Variants in KALRN observed in about 807,000 individuals in gnomAD.
The protein encoded by KALRN is kalirin.
Under a neutral mutation model 353.7 loss-of-function variants are expected in KALRN, and 70 were observed. That is an observed-to-expected ratio of 0.20 (90% CI 0.16 to 0.24). The LOEUF (loss-of-function observed/expected upper bound fraction) is 0.24, where lower values mean the gene tolerates loss of function less well. Among genes scored for constraint, KALRN ranks in the 10% least tolerant of loss-of-function variants. KALRN has a pLI of 1.00. For missense variants in KALRN, 2,791 were observed against 3,756.7 expected, an observed-to-expected ratio of 0.74 and a Z score of 6.72; for synonymous variants, 1,391 against 1,434.8, an observed-to-expected ratio of 0.97 and a Z score of 0.69.
chr3:124,591,363 T>C (rs2713662), intron 34 of KALRN, among the ~76,000 whole-genome samples: 100,761 of 152,006 alleles, frequency 0.66, 34,481 homozygotes, highest in African/African-American at 0.83. Context: ...GTCTTGAACT[T>C]CTGGACACAA....
At position 124,655,221 on chromosome 3, in the gene KALRN, G is replaced by A. The variant is rs143327012; in HGVS notation, c.5796-380G>A. Among the ~76,000 whole-genome samples the A allele has an allele frequency of 6.6e-5, 10 of 152,302 alleles. No individual in the cohort carries two copies. The East Asian group carries it at 1.9e-3, about 29-fold the overall frequency. On this transcript the variant is annotated intron_variant, in intron 38 of 59. Transcript: ENST00000682506. ...GAAGAAAAGTCTCATCTTAACCCCT[G>A]CCCAGCCTCAAAGCTTTCAGAACGC...
At chr3:124,709,056 A>C (rs974598045) in intron 57 of KALRN, among the ~76,000 whole-genome samples, 5 of 152,138 alleles carry the variant, frequency 3.3e-5, no homozygotes, top group Non-Finnish European at 5.9e-5. Flanking sequence ...AAATGAATTG[A>C]CTACTAAGAA....
At chr3:124,193,852 C>G (rs1280518650) in intron 1 of KALRN, among the ~76,000 whole-genome samples, 1 of 152,116 alleles carries the variant, frequency 6.6e-6, no homozygotes, top group Non-Finnish European at 1.5e-5. Flanking sequence ...TCTCTTTTAG[C>G]TTGACATTTT....
At chr3:124,057,214 G>A (rs1241220715) in intron 1 of KALRN, among the ~76,000 whole-genome samples, 1 of 152,116 alleles carries the variant, frequency 6.6e-6, no homozygotes, top group Non-Finnish European at 1.5e-5. Context: ...TTTTCTTAGT[G>A]CCTCCCACCA....
At chr3:124,316,848 C>T (rs1181106874) in intron 6 of KALRN, among the ~76,000 whole-genome samples, 1 of 152,176 alleles carries the variant, frequency 6.6e-6, no homozygotes, top group Non-Finnish European at 1.5e-5. Context: ...TTGAATTAAT[C>T]AATGGATGAA....
intron 19 of KALRN, among the ~76,000 whole-genome samples, chr3:124,443,554 G>A (rs1420334908): frequency 6.6e-6 from 1 of 152,216 alleles, no homozygotes; most frequent in Non-Finnish European, 1.5e-5. Flanking sequence ...CCTGTGGGGA[G>A]CTGGTATTAT....
intron 3 of KALRN, among the ~76,000 whole-genome samples, chr3:124,245,878 A>C (rs2081069259): frequency 6.6e-6 from 1 of 151,742 alleles, no homozygotes; most frequent in Non-Finnish European, 1.5e-5. Context: ...TATTTTATGA[A>C]CCTTTTTTTA....
chr3:124,495,573 C>T (rs999792861), intron 32 of KALRN, among the ~76,000 whole-genome samples: 2 of 151,100 alleles, frequency 1.3e-5, no homozygotes, highest in Non-Finnish European at 1.5e-5. Flanking sequence ...CACGTCTCCA[C>T]AAAAAAATAC....
At chr3:124,457,033 TCTC>T (rs1285839194) in intron 23 of KALRN, among the ~76,000 whole-genome samples, 1 of 151,068 alleles carries the variant, frequency 6.6e-6, no homozygotes, top group Non-Finnish European at 1.5e-5. Flanking sequence ...TATTTTTTCT[TCTC>T]CTCCAAATTT....
At chr3:124,168,672 T>C (rs761908428) in intron 1 of KALRN, among the ~76,000 whole-genome samples, 1 of 152,210 alleles carries the variant, frequency 6.6e-6, no homozygotes, top group Admixed American at 6.5e-5. Context: ...CAACTTTCCG[T>C]CTGCTTCCTC....
chr3:124,646,097 C>G (rs1488597346), intron 37 of KALRN, among the ~76,000 whole-genome samples: 2 of 152,128 alleles, frequency 1.3e-5, no homozygotes, highest in African/African-American at 4.8e-5. Flanking sequence ...CAAAGAGGAG[C>G]AACTAAGAGG....
intron 1 of KALRN, among the ~76,000 whole-genome samples, chr3:124,113,036 A>C (rs963442363): frequency 3.9e-5 from 6 of 152,172 alleles, no homozygotes; most frequent in Non-Finnish European, 8.8e-5. Context: ...ATAGTTAATA[A>C]ATTCGGATGT....
chr3:124,414,986 A>T (rs1441235077), intron 14 of KALRN, among the ~76,000 whole-genome samples: 1 of 152,196 alleles, frequency 6.6e-6, no homozygotes, highest in Non-Finnish European at 1.5e-5. Context: ...ATTCAAAGGG[A>T]CTTCACTCCT....
intron 34 of KALRN, among the ~76,000 whole-genome samples, chr3:124,579,102 GA>G (rs200151193): frequency 3.4e-4 from 51 of 150,932 alleles, no homozygotes; most frequent in African/African-American, 1.1e-3. Flanking sequence ...AACCCTAAAG[GA>G]AAAAAAAATG....
At chr3:124,245,499 T>C (rs972353795) in intron 3 of KALRN, among the ~76,000 whole-genome samples, 5 of 152,102 alleles carry the variant, frequency 3.3e-5, no homozygotes, top group Non-Finnish European at 7.3e-5. Flanking sequence ...TTTGGCTACA[T>C]ACCCAGCAGT....
intron 33 of KALRN, among the ~76,000 whole-genome samples, chr3:124,510,156 G>T (rs1156245222): frequency 6.6e-6 from 1 of 152,198 alleles, no homozygotes; most frequent in Non-Finnish European, 1.5e-5. Context: ...GCAAGAGAGA[G>T]ATCTAGAAAC....
At chr3:124,652,208 TTC>T (rs1578675959) in intron 38 of KALRN, among the ~76,000 whole-genome samples, 1 of 152,358 alleles carries the variant, frequency 6.6e-6, no homozygotes, top group Non-Finnish European at 1.5e-5. Flanking sequence ...ATTTATGAGT[TTC>T]TGTTTCCTAG....
chr3:124,418,343 A>C (rs1262022291), intron 14 of KALRN, among the ~76,000 whole-genome samples: 2 of 152,210 alleles, frequency 1.3e-5, no homozygotes, highest in Admixed American at 6.5e-5. Context: ...GGCTTAGTTA[A>C]TTGGTCTGGA....
At chr3:124,433,029 A>G (rs1245542425) in intron 16 of KALRN, among the ~76,000 whole-genome samples, 1 of 152,170 alleles carries the variant, frequency 6.6e-6, no homozygotes, top group African/African-American at 2.4e-5. Flanking sequence ...TAAATGTTTC[A>G]GTTCAGACTA....
Sources: gnomAD v4.1 joint callset for allele counts (sites outside exome capture counted in the v4.1 genomes callset) on GRCh38, gnomAD v4.1.1 for gene constraint, MANE v1.5 for transcripts, NCBI Gene and HGNC (gene_info 2026-07-23, HGNC 2026-07-21) for gene names.